The following MEI4 variants were observed in gnomAD, a reference collection of about 807,000 sequenced individuals.
MEI4 encodes meiotic double-stranded break formation protein 4.
A neutral mutation model predicts 31.4 loss-of-function variants in MEI4; 27 were observed. The observed-to-expected ratio is 0.86, with a 90% CI of 0.63 to 1.19. The LOEUF (loss-of-function observed/expected upper bound fraction) is 1.19, where lower values mean the gene tolerates loss of function less well. MEI4 is among the 50% of genes most tolerant of loss of function. The pLI, the probability that MEI4 is intolerant of heterozygous loss-of-function variation, is 0.00. For synonymous variants in MEI4, 122 were observed against 145.4 expected, an observed-to-expected ratio of 0.84 and a Z score of 1.16; for missense variants, 329 against 398.9, an observed-to-expected ratio of 0.82 and a Z score of 1.49.
intron 2 of MEI4, among the ~76,000 whole-genome samples, chr6:77,747,138 C>G (rs1036449782): frequency 6.6e-6 from 1 of 152,004 alleles, no homozygotes; most frequent in African/African-American, 2.4e-5. Context: ...ATGGTGAAAC[C>G]TCATCTCTAC....
chr6:77,837,664 A>G (rs989391057), intron 4 of MEI4, among the ~76,000 whole-genome samples: 2 of 152,190 alleles, frequency 1.3e-5, no homozygotes, highest in East Asian at 3.8e-4. Flanking sequence ...AATATTTACT[A>G]TCTTGATCTT....
At position 77,758,722 on chromosome 6, in the gene MEI4, T is replaced by G. The variant is rs539151434; in HGVS notation, c.233-2408T>G. On this transcript the variant is annotated intron_variant, in intron 2 of 4. Transcript: ENST00000684080. ...GGGTCCTTAACTCAGTCTCCTATCTTCTCCAGGGCCATGTCTCACCTGCCA... is the reference window on the plus strand; with the variant it reads ...GGGTCCTTAACTCAGTCTCCTATCTGCTCCAGGGCCATGTCTCACCTGCCA... 1.4e-3 allele frequency among the ~76,000 whole-genome samples: 213 copies of G among 152,284 alleles called. 1 individual carries two copies. Among genetic ancestry groups the G allele is most frequent in the African/African-American group, 4.5e-3 (187 of 41,572 alleles).
At chr6:77,887,977 T>G (rs2127731052) in intron 4 of MEI4, among the ~76,000 whole-genome samples, 1 of 152,330 alleles carries the variant, frequency 6.6e-6, no homozygotes, top group South Asian at 2.1e-4. Context: ...TTAGAATTAT[T>G]ATATTATCTT....
intron 3 of MEI4, among the ~76,000 whole-genome samples, chr6:77,776,841 A>G (rs543506675): frequency 3.5e-4 from 54 of 152,264 alleles, no homozygotes; most frequent in Middle Eastern, 3.4e-3. Context: ...GTTTTATTTG[A>G]TATTTGATGG....
At chr6:77,885,031 A>C (rs1431648885) in intron 4 of MEI4, among the ~76,000 whole-genome samples, 1 of 152,044 alleles carries the variant, frequency 6.6e-6, no homozygotes, top group Non-Finnish European at 1.5e-5. Flanking sequence ...AATTGCTTTC[A>C]TCAGAAGTTT....
intron 3 of MEI4, among the ~76,000 whole-genome samples, chr6:77,790,624 G>A (rs1466387225): frequency 6.6e-6 from 1 of 151,718 alleles, no homozygotes; most frequent in Non-Finnish European, 1.5e-5. Context: ...GAGAGATATG[G>A]GCATCCAGAT....
intron 2 of MEI4, among the ~76,000 whole-genome samples, chr6:77,720,443 C>A (rs1249006392): frequency 1.3e-5 from 1 of 75,504 alleles, no homozygotes; most frequent in African/African-American, 5.6e-5. Context: ...CAAAACAAGA[C>A]AATAAATGTT....
intron 2 of MEI4, among the ~76,000 whole-genome samples, chr6:77,740,992 A>G (rs1036080388): frequency 6.6e-6 from 1 of 152,124 alleles, no homozygotes; most frequent in Non-Finnish European, 1.5e-5. Flanking sequence ...AATTATATGT[A>G]AGGTACAAGA....
At chr6:77,911,537 CACTTATATGTGAAA>C (rs1428338749) in intron 4 of MEI4, among the ~76,000 whole-genome samples, 1 of 151,696 alleles carries the variant, frequency 6.6e-6, no homozygotes, top group Non-Finnish European at 1.5e-5. Context: ...GTTTAGCTTC[CACTTATATGTGAAA>C]ATGTGTGGTA....
intron 4 of MEI4, among the ~76,000 whole-genome samples, chr6:77,914,672 T>G (rs1448311432): frequency 6.6e-6 from 1 of 152,154 alleles, no homozygotes; most frequent in African/African-American, 2.4e-5. Flanking sequence ...TAGAGTTGGT[T>G]GTTGAAGTTC....
At chr6:77,668,163 G>T (rs1438836163) in intron 1 of MEI4, among the ~76,000 whole-genome samples, 2 of 152,116 alleles carry the variant, frequency 1.3e-5, no homozygotes, top group Non-Finnish European at 2.9e-5. Context: ...ACTCATTAGA[G>T]GGGCTGCCAG....
chr6:77,782,648 G>A (rs1395873455), intron 3 of MEI4, among the ~76,000 whole-genome samples: 1 of 152,072 alleles, frequency 6.6e-6, no homozygotes, highest in Non-Finnish European at 1.5e-5. Context: ...AACTTAGAAA[G>A]CAATGAGAAG....
chr6:77,750,931 A>G (rs1476638240), intron 2 of MEI4, among the ~76,000 whole-genome samples: 1 of 152,200 alleles, frequency 6.6e-6, no homozygotes, highest in Non-Finnish European at 1.5e-5. Flanking sequence ...CTCTCAGACC[A>G]CAGTGCAAAT....
chr6:77,915,716 G>A (rs943084780), intron 4 of MEI4, among the ~76,000 whole-genome samples: 3 of 151,820 alleles, frequency 2.0e-5, no homozygotes, highest in African/African-American at 7.3e-5. Flanking sequence ...TCTTTTTACT[G>A]CAATGTAATA....
intron 4 of MEI4, among the ~76,000 whole-genome samples, chr6:77,836,239 A>G (rs538321864): frequency 6.6e-6 from 1 of 152,296 alleles, no homozygotes; most frequent in East Asian, 1.9e-4. Context: ...GATGCAGTTC[A>G]TACCTCTATC....
chr6:77,892,851 T>C (rs1310977768), intron 4 of MEI4, among the ~76,000 whole-genome samples: 1 of 151,854 alleles, frequency 6.6e-6, no homozygotes, highest in Non-Finnish European at 1.5e-5. Flanking sequence ...TCCAAATGGC[T>C]CCATGCTGCA....
At chr6:77,746,814 C>A (rs555149978) in intron 2 of MEI4, among the ~76,000 whole-genome samples, 11 of 152,000 alleles carry the variant, frequency 7.2e-5, no homozygotes, top group Admixed American at 2.6e-4. Flanking sequence ...TTACTCTGGC[C>A]CTAGTGACAG....
intron 2 of MEI4, among the ~76,000 whole-genome samples, chr6:77,733,349 G>C (rs1270338512): frequency 6.6e-6 from 1 of 152,038 alleles, no homozygotes; most frequent in Non-Finnish European, 1.5e-5. Flanking sequence ...TCCTGGTTTA[G>C]TCTTGGGAGA....
At chr6:77,802,399 A>C (rs1183721570) in intron 3 of MEI4, among the ~76,000 whole-genome samples, 1 of 152,202 alleles carries the variant, frequency 6.6e-6, no homozygotes, top group Non-Finnish European at 1.5e-5. Flanking sequence ...AATACATCAC[A>C]CTAATGGGTC....
Sources: allele counts gnomAD v4.1 joint callset (sites outside exome capture counted in the v4.1 genomes callset), GRCh38; gene constraint gnomAD v4.1.1; transcripts MANE v1.5; gene names NCBI Gene and HGNC (gene_info 2026-07-23, HGNC 2026-07-21).